DGKZ: variants seen among roughly 807,000 people sequenced by gnomAD.
DGKZ encodes the protein DAG kinase zeta.
In DGKZ, 45 loss-of-function variants were observed where a neutral mutation model predicts 142.5. The observed-to-expected ratio is 0.32, with a 90% CI of 0.25 to 0.40. The LOEUF is 0.40. Among genes scored for constraint, DGKZ ranks in the 10% least tolerant of loss-of-function variants. DGKZ has a pLI of 1.00. For missense variants in DGKZ, 755 were observed against 1,306.5 expected (o/e 0.58, Z 6.51); for synonymous variants, 442 against 527.0 (o/e 0.84, Z 2.21).
intron 1 of DGKZ, chr11:46,364,986 C>A (rs1943089443): frequency 4.1e-6 from 4 of 985,352 alleles, no homozygotes; most frequent in Middle Eastern, 5.2e-4. Flanking sequence ...GCCTCAGGTA[C>A]CTGGAGGCAT....
At chr11:46,345,346 G>A (rs1362902180), upstream of DGKZ, 1 of 1,390,696 alleles carries the variant, frequency 7.2e-7, no homozygotes, top group Non-Finnish European at 9.3e-7. The surrounding 1 kb of genome is among the most constrained non-coding windows in gnomAD (Gnocchi z 4.1). Context: ...GCCTCTAGCA[G>A]GCCCCCCCCT....
intron 27 of DGKZ, 99 bp downstream of exon 27, chr11:46,378,599 T>C (rs767619308): frequency 6.8e-7 from 1 of 1,470,338 alleles, no homozygotes; most frequent in Middle Eastern, 1.7e-4. Context: ...GCTCAGGTGC[T>C]GTCATCTGTC....
At chr11:46,361,751 T>G in intron 1 of DGKZ, 2 of 775,508 alleles carry the variant, frequency 2.6e-6, no homozygotes, top group Non-Finnish European at 3.1e-6. Flanking sequence ...GCTTCCTCCC[T>G]CTGTATCTGG....
At chr11:46,368,515 T>A (rs1429400332) in intron 4 of DGKZ, 1 of 341,242 alleles carries the variant, frequency 2.9e-6, no homozygotes, top group African/African-American at 2.2e-5. Flanking sequence ...ACTGTGCTTC[T>A]AGAGGTGGAG....
intron 1 of DGKZ, chr11:46,366,049 C>T: frequency 1.0e-6 from 1 of 985,396 alleles, no homozygotes; most frequent in Non-Finnish European, 1.2e-6. Context: ...CCCTGGGATC[C>T]TCACATGGAG....
upstream of DGKZ, chr11:46,345,525 A>T: frequency 6.6e-7 from 1 of 1,525,496 alleles, no homozygotes; most frequent in Non-Finnish European, 8.8e-7. The surrounding 1 kb of genome is among the most constrained non-coding windows in gnomAD (Gnocchi z 4.1). Flanking sequence ...TCACTGAGGC[A>T]GATGTGGCGC....
intron 1 of DGKZ, among the ~76,000 whole-genome samples, chr11:46,357,067 G>A (rs537349756): frequency 3.9e-4 from 59 of 152,256 alleles, no homozygotes; most frequent in African/African-American, 1.3e-3. Flanking sequence ...TGATGGCAGC[G>A]GGAGTCTGGC....
In DGKZ at chr11:46,374,747, CCT is replaced by C; in HGVS notation, c.1525-17_1525-16del. The C allele has an allele frequency of 6.2e-7, 1 of 1,612,512 alleles. No homozygotes were observed. Among genetic ancestry groups the C allele is most frequent in the South Asian group, 1.1e-5 (1 of 90,878 alleles). ...CCACCTGGCACATGCACCTCAACACCCTCCCCGCCCGCCTCCAGTGTGATGGA... is the reference window on the plus strand; with the variant it reads ...CCACCTGGCACATGCACCTCAACACCCCCCGCCCGCCTCCAGTGTGATGGA... On this transcript the variant is annotated splice_polypyrimidine_tract_variant and intron_variant, in intron 17 of 30. Transcript: ENST00000527911.
chr11:46,355,690 G>T (rs1369748374), intron 1 of DGKZ, among the ~76,000 whole-genome samples: 1 of 152,166 alleles, frequency 6.6e-6, no homozygotes, highest in Non-Finnish European at 1.5e-5. Flanking sequence ...GGGCCCTGGG[G>T]GCTGATGGGG....
chr11:46,336,533 G>C (rs1940023192), intron 1 of DGKZ, among the ~76,000 whole-genome samples: 2 of 152,176 alleles, frequency 1.3e-5, no homozygotes, highest in Admixed American at 6.5e-5. Context: ...TTTGGGACCA[G>C]CCTGAGTGAC....
chr11:46,371,522 G>T (rs376974073), exon 8 of DGKZ: 1 of 1,609,570 alleles, frequency 6.2e-7, no homozygotes, highest in Non-Finnish European at 8.5e-7. Context: ...TGCTGCAGCA[G>T]ATCGAGGAGC....
At chr11:46,338,882 AG>A (rs1274961805) in intron 1 of DGKZ, 1 of 152,262 alleles carries the variant, frequency 6.6e-6, no homozygotes, top group African/African-American at 2.4e-5. Context: ...TTCCTGACTC[AG>A]AGCACGGGTA....
intron 27 of DGKZ, 147 bp downstream of exon 27, chr11:46,378,647 C>T: frequency 9.0e-7 from 1 of 1,106,418 alleles, no homozygotes; most frequent in Non-Finnish European, 1.3e-6. Context: ...GTGATCGTCC[C>T]ATTCCACTTC....
Position 46,371,570 on chromosome 11 carries a change from G to A in DGKZ, c.726G>A (p.Pro242=), listed in dbSNP as rs764509879. 50 of 1,610,746 alleles carry A rather than the reference G, an allele frequency of 3.1e-5. No individual in the cohort carries two copies. The highest frequency in any genetic ancestry group is 3.4e-5 in the Non-Finnish European group (40 of 1,178,284). The change falls in exon 8 of 31, where the codon CCG becomes CCA. Residue 242 remains proline (P), a synonymous_variant. Coordinates refer to ENST00000527911, the Ensembl canonical transcript of DGKZ. ...GGGTCCACGCAGCCGTGGTCATCCC[G>A]CCCACCTGGATCCTCCGCGCCCGGA... is the stretch of plus-strand genomic sequence containing the variant.
In DGKZ at chr11:46,367,261, C is replaced by G. The variant is rs773724906; in HGVS notation, c.162-30C>G. ...GGAAGTAGGGTCAGCAAGTGCTCAG[C>G]CCCCTCCTCAGCTGTCTTCTCCTCT... On this transcript the variant is annotated intron_variant, in intron 1 of 30. Coordinates refer to ENST00000527911, the Ensembl canonical transcript of DGKZ. The surrounding 1 kb of genome is among the most constrained non-coding windows in gnomAD (Gnocchi z 4.1). 1 of 1,584,862 alleles carries G rather than the reference C, an allele frequency of 6.3e-7. No homozygotes were observed. Among genetic ancestry groups the G allele is most frequent in the East Asian group, 2.2e-5 (1 of 44,638 alleles).
chr11:46,335,780 G>A (rs1178770655), intron 1 of DGKZ, among the ~76,000 whole-genome samples: 1 of 152,218 alleles, frequency 6.6e-6, no homozygotes, highest in Non-Finnish European at 1.5e-5. Flanking sequence ...CAAGCCCTGG[G>A]AAAGAGCCAG....
At chr11:46,379,409 G>T (rs1565091616) in intron 29 of DGKZ, 60 bp from the exon 30 acceptor site, 1 of 1,587,846 alleles carries the variant, frequency 6.3e-7, no homozygotes, top group Non-Finnish European at 8.6e-7. Flanking sequence ...TGGCCCTTGG[G>T]AGACAGATGG....
chr11:46,333,583 C>A, intron 1 of DGKZ: 1 of 1,200,464 alleles, frequency 8.3e-7, no homozygotes. Flanking sequence ...CGCCGCCTGC[C>A]TGGCGCTGGG....
At chr11:46,359,470 T>C (rs770305242) in intron 1 of DGKZ, among the ~76,000 whole-genome samples, 2 of 152,142 alleles carry the variant, frequency 1.3e-5, no homozygotes, top group Non-Finnish European at 2.9e-5. Context: ...ATAAAATGTG[T>C]CACCATTTGG....
Sources: gnomAD v4.1 joint callset for allele counts (sites outside exome capture counted in the v4.1 genomes callset) on GRCh38, gnomAD v4.1.1 for gene constraint, Gnocchi (gnomAD v3.1) non-coding constraint, MANE v1.5 for transcripts, NCBI Gene and HGNC (gene_info 2026-07-23, HGNC 2026-07-21) for gene names.